Variants in CDH18 observed in about 807,000 individuals in gnomAD.
CDH18 encodes cadherin 18, also known as cadherin-18.
CDH18 carries 31 observed loss-of-function variants against 67.9 expected under a neutral mutation model. The ratio of observed to expected loss-of-function variants is 0.46; its 90% CI spans 0.34 to 0.62. The LOEUF (loss-of-function observed/expected upper bound fraction) is 0.62, where lower values mean the gene tolerates loss of function less well. CDH18 is among the 20% of genes least tolerant of loss of function. CDH18 has a pLI of 0.01. For synonymous variants in CDH18, 362 were observed against 347.2 expected (o/e 1.04, Z -0.48); for missense variants, 890 against 975.5 (o/e 0.91, Z 1.17).
At chr5:20,496,380 A>G (rs1314129320) in intron 1 of CDH18, among the ~76,000 whole-genome samples, 1 of 152,180 alleles carries the variant, frequency 6.6e-6, no homozygotes, top group Non-Finnish European at 1.5e-5. Context: ...AAAGGATAAA[A>G]TATTCATGAT....
intron 2 of CDH18, among the ~76,000 whole-genome samples, chr5:19,963,604 G>C (rs1162962151): frequency 6.6e-6 from 1 of 151,994 alleles, no homozygotes; most frequent in Non-Finnish European, 1.5e-5. Flanking sequence ...GCTATCATGT[G>C]AAGAAGGACA....
intron 1 of CDH18, among the ~76,000 whole-genome samples, chr5:20,574,932 T>A (rs1561145757): frequency 6.6e-6 from 1 of 151,740 alleles, no homozygotes; most frequent in Admixed American, 6.6e-5. Context: ...ATTTAACAAA[T>A]ATTGTGTTTG....
At chr5:20,252,307 C>T (rs779726385) in intron 2 of CDH18, among the ~76,000 whole-genome samples, 4 of 151,642 alleles carry the variant, frequency 2.6e-5, no homozygotes, top group Admixed American at 6.6e-5. Context: ...GCCTAGATCA[C>T]GCCACTGCAC....
intron 1 of CDH18, among the ~76,000 whole-genome samples, chr5:20,500,675 A>G (rs779723010): frequency 1.3e-5 from 2 of 152,198 alleles, no homozygotes; most frequent in African/African-American, 2.4e-5. Context: ...ATCTTAGCAC[A>G]GTTAGGAAAA....
At chr5:19,499,811 T>C (rs1313677717) in intron 11 of CDH18, among the ~76,000 whole-genome samples, 4 of 151,966 alleles carry the variant, frequency 2.6e-5, no homozygotes, top group Admixed American at 2.0e-4. Context: ...TCTCTCTCTC[T>C]TTTTTTGAAA....
intron 1 of CDH18, chr5:20,304,746 C>T (rs1736270666): frequency 6.2e-7 from 1 of 1,611,092 alleles, no homozygotes; most frequent in Non-Finnish European, 8.5e-7. Flanking sequence ...GAAACAAAAA[C>T]GCTGACTCTT....
chr5:20,222,061 T>G (rs1485395003), intron 2 of CDH18, among the ~76,000 whole-genome samples: 1 of 152,020 alleles, frequency 6.6e-6, no homozygotes, highest in Non-Finnish European at 1.5e-5. Context: ...CTGGACCACC[T>G]TGGTTTAGAG....
intron 3 of CDH18, among the ~76,000 whole-genome samples, chr5:19,810,837 A>C (rs541558000): frequency 8.6e-5 from 13 of 152,034 alleles, no homozygotes; most frequent in African/African-American, 2.9e-4. Context: ...AGCCTGGCCA[A>C]ACTGGTGAAA....
At chr5:19,783,680 G>A (rs1775379514) in intron 3 of CDH18, among the ~76,000 whole-genome samples, 1 of 152,108 alleles carries the variant, frequency 6.6e-6, no homozygotes, top group African/African-American at 2.4e-5. Flanking sequence ...GGAACAATTT[G>A]TGTCTTTCGT....
chr5:20,109,552 A>G (rs59344864), intron 2 of CDH18, among the ~76,000 whole-genome samples: 6,529 of 152,248 alleles, frequency 0.043, 485 homozygotes, highest in African/African-American at 0.15. Context: ...GCCAGTGTCT[A>G]ACTGACTTGC....
At position 19,725,178 on chromosome 5, in the gene CDH18, G is replaced by A. The variant is rs182081211; in HGVS notation, c.524-3712C>T. Among the ~76,000 whole-genome samples, 1,009 of 151,908 alleles carry A rather than the reference G, an allele frequency of 6.6e-3. 25 individuals carry two copies. The highest frequency in any genetic ancestry group is 0.042 in the Admixed American group (648 of 15,272). ...CCTGACCTCGTGATCCACCCACCTCGGCCTCCCAAAGTGCTGGGATTACAG... is the reference window on the plus strand; with the variant it reads ...CCTGACCTCGTGATCCACCCACCTCAGCCTCCCAAAGTGCTGGGATTACAG... On this transcript the variant is annotated intron_variant, in intron 4 of 12. Transcript: ENST00000382275.
intron 2 of CDH18, among the ~76,000 whole-genome samples, chr5:19,864,303 T>C (rs1220777656): frequency 1.3e-5 from 2 of 148,170 alleles, no homozygotes; most frequent in African/African-American, 5.0e-5. Flanking sequence ...CCACATGTTC[T>C]CACTCATAGG....
At chr5:20,123,324 C>T (rs975191354) in intron 2 of CDH18, among the ~76,000 whole-genome samples, 1 of 152,068 alleles carries the variant, frequency 6.6e-6, no homozygotes, top group Non-Finnish European at 1.5e-5. Flanking sequence ...TGAAACGCAC[C>T]CCAGGAGAAC....
intron 2 of CDH18, among the ~76,000 whole-genome samples, chr5:19,852,380 T>G (rs149872036): frequency 0.014 from 2,116 of 152,128 alleles, 53 homozygotes; most frequent in African/African-American, 0.049. Flanking sequence ...GTGTACTTAG[T>G]AATAATATTA....
chr5:19,708,725 C>T (rs1764282130), intron 5 of CDH18, among the ~76,000 whole-genome samples: 1 of 152,190 alleles, frequency 6.6e-6, no homozygotes, highest in African/African-American at 2.4e-5. Flanking sequence ...CAGAGCCCAT[C>T]CCTTTGTTTC....
intron 1 of CDH18, chr5:20,304,885 T>G: frequency 6.2e-7 from 1 of 1,612,090 alleles, no homozygotes; most frequent in South Asian, 1.1e-5. Context: ...TTTCTCATAG[T>G]CTTTAAAGAT....
intron 1 of CDH18, among the ~76,000 whole-genome samples, chr5:20,562,105 A>T (rs535419956): frequency 6.5e-4 from 99 of 152,058 alleles, no homozygotes; most frequent in African/African-American, 2.3e-3. Context: ...AGTCTCACAA[A>T]AACCAGAGAT....
At chr5:19,502,763 T>C (rs1426711705) in intron 11 of CDH18, 8 of 540,220 alleles carry the variant, frequency 1.5e-5, no homozygotes, top group Admixed American at 3.4e-5. Context: ...GCATATTACA[T>C]GTACATTTCT....
chr5:19,587,803 A>AT (rs1420786039), intron 7 of CDH18, among the ~76,000 whole-genome samples: 1 of 151,724 alleles, frequency 6.6e-6, no homozygotes, highest in African/African-American at 2.4e-5. Context: ...ATTTTAAATC[A>AT]TTTTTTTCTA....
Sources: gnomAD v4.1 joint callset for allele counts (sites outside exome capture counted in the v4.1 genomes callset) on GRCh38, gnomAD v4.1.1 for gene constraint, MANE v1.5 for transcripts, NCBI Gene and HGNC (gene_info 2026-07-23, HGNC 2026-07-21) for gene names.